RIT1: variants seen among roughly 807,000 people sequenced by gnomAD.
The protein encoded by RIT1 is Ras like without CAAX 1.
A neutral mutation model predicts 25.6 loss-of-function variants in RIT1; 6 were observed. That is an observed-to-expected ratio of 0.23 (90% CI 0.13 to 0.46). The LOEUF is 0.46. Among genes scored for constraint, RIT1 ranks in the 20% least tolerant of loss-of-function variants. RIT1 has a pLI of 0.99. For missense variants in RIT1, 219 were observed against 284.4 expected, an observed-to-expected ratio of 0.77 and a Z score of 1.65; for synonymous variants, 81 against 94.1, an observed-to-expected ratio of 0.86 and a Z score of 0.80.
chr1:155,909,777 C>T (rs1402009911), intron 3 of RIT1, among the ~76,000 whole-genome samples: 1 of 151,928 alleles, frequency 6.6e-6, no homozygotes, highest in Non-Finnish European at 1.5e-5. Flanking sequence ...CAAAAATTAG[C>T]CGGGTGTGGT....
At chr1:155,903,352 C>CT (rs1673354645) in intron 5 of RIT1, among the ~76,000 whole-genome samples, 1 of 147,314 alleles carries the variant, frequency 6.8e-6, no homozygotes, top group South Asian at 2.1e-4. Context: ...ACTCAGGAGG[C>CT]TAAGGCAGGA....
At chr1:155,909,984 G>A (rs932742977) in intron 3 of RIT1, 1 of 157,368 alleles carries the variant, frequency 6.4e-6, no homozygotes, top group East Asian at 1.9e-4. Flanking sequence ...TGAACTTAAG[G>A]TATAAGGAAG....
chr1:155,908,197 T>G (rs1020853719), intron 3 of RIT1, among the ~76,000 whole-genome samples: 4 of 151,766 alleles, frequency 2.6e-5, no homozygotes, highest in African/African-American at 7.2e-5. Context: ...GGCTCACGCC[T>G]GTAATCCCAG....
rs187540685 is a variant in RIT1 at position 155,902,650 on chromosome 1, C to T, written c.429+1661G>A. Among the ~76,000 whole-genome samples the T allele has an allele frequency of 1.0e-3, 154 of 149,334 alleles. 1 individual carries two copies. The highest frequency in any genetic ancestry group is 1.8e-3 in the Admixed American group (27 of 14,884). On this transcript the variant is annotated intron_variant, in intron 5 of 5. Coordinates refer to ENST00000368323, the MANE Select transcript of RIT1 (RefSeq NM_006912.6). Reference sequence around the variant, plus strand: ...TGATGTCAGGACTTCAAGACCAGCCCGGCCAACATGGTGAAACCCCGTCTC... The same window carrying T: ...TGATGTCAGGACTTCAAGACCAGCCTGGCCAACATGGTGAAACCCCGTCTC...
Position 155,898,541 on chromosome 1 carries a change from A to ATATATATATCTATATATATATATATC in RIT1, c.*1846_*1847insGATATATATATATATAGATATATATA, listed in dbSNP as rs543706593. 1 of 117,340 alleles carries ATATATATATCTATATATATATATATC rather than the reference A, an allele frequency of 8.5e-6. No homozygotes were observed. The highest frequency in any genetic ancestry group is 3.2e-5 in the African/African-American group (1 of 31,482). The allele number at this position is 117,340 out of a possible 1,614,324, so 7.3% of individuals were successfully genotyped here. A position where few individuals can be genotyped will look rare whatever the true frequency, so the allele number is the denominator to read the frequency against. On this transcript the variant is annotated 3_prime_UTR_variant, in exon 6 of 6. Transcript: ENST00000368323. The stretch of plus-strand genomic sequence containing the variant: ...AAAATATATATATATATATATATAT[A>ATATATATATCTATATATATATATATC]TATCTCTTAATGTTAATAACAATTC...
chr1:155,899,591 T>C lies in RIT1; in HGVS notation c.*797A>G. The C allele has an allele frequency of 4.4e-6, 1 of 225,382 alleles. No individual in the cohort carries two copies. The highest frequency in any genetic ancestry group is 1.4e-3 in the Middle Eastern group (1 of 732). 14.0% of individuals were successfully genotyped at this position (225,382 alleles called of 1,614,324 possible). On this transcript the variant is annotated 3_prime_UTR_variant, in exon 6 of 6. Transcript: ENST00000368323. Reference sequence around the variant, plus strand: ...TGGCTGATCCAACTATGAATTTTGATTAAACACGTTTAGTAATACAGTTAT... The same window carrying C: ...TGGCTGATCCAACTATGAATTTTGACTAAACACGTTTAGTAATACAGTTAT...
Position 155,900,433 on chromosome 1 carries a change from C to T in RIT1, c.615G>A (p.Lys205=), listed in dbSNP as rs1353727875. 1 of 1,614,074 alleles carries T rather than the reference C, an allele frequency of 6.2e-7. No homozygotes were observed. The highest frequency in any genetic ancestry group is 8.5e-7 in the Non-Finnish European group (1 of 1,180,032). Residue 205 remains lysine (K), a synonymous_variant, in exon 6 of 6, where the codon AAG becomes AAA. Transcript: ENST00000368323. The stretch of plus-strand genomic sequence containing the variant: ...TCTTCCGGAATGGTGATTTTAGCCT[C>T]TTCCATACACTGTTTTTGGGCTTAG... ...KKSKPKNSVW[K]RLKSPFRKKK...
At position 155,910,217 on chromosome 1, in the gene RIT1, G is replaced by C. The variant is rs867548; in HGVS notation, c.163+233C>G. On this transcript the variant is annotated intron_variant, in intron 3 of 5. Transcript: ENST00000368323. ...CAACCATAAAAAAATACAACAAAGA[G>C]AGTTGTCCCATTAATGTTCAGTAAG... 0.29 allele frequency: 154,072 copies of C among 523,966 alleles called. 27,141 individuals are homozygous for C. The highest frequency in any genetic ancestry group is 0.77 in the East Asian group (23,266 of 30,346). 32.5% of individuals were successfully genotyped at this position (523,966 alleles called of 1,614,324 possible).
Position 155,899,797 on chromosome 1 carries a change from C to T in RIT1, c.*591G>A. The T allele has an allele frequency of 4.6e-6, 1 of 219,268 alleles. No individual in the cohort carries two copies. 13.6% of individuals were successfully genotyped at this position (219,268 alleles called of 1,614,324 possible). ...AAAAGCGAAGCTTGTACTGAGAATA[C>T]TGTTCTGAACCTACCTTTTTAAGTC... On this transcript the variant is annotated 3_prime_UTR_variant, in exon 6 of 6. Coordinates refer to ENST00000368323, the MANE Select transcript of RIT1 (RefSeq NM_006912.6).
At position 155,899,530 on chromosome 1, in the gene RIT1, G is replaced by T; in HGVS notation, c.*858C>A. 1 of 224,272 alleles carries T rather than the reference G, an allele frequency of 4.5e-6. No homozygotes were observed. The highest frequency in any genetic ancestry group is 8.9e-6 in the Non-Finnish European group (1 of 112,262). 13.9% of individuals were successfully genotyped at this position (224,272 alleles called of 1,614,324 possible). On this transcript the variant is annotated 3_prime_UTR_variant, in exon 6 of 6. Transcript: ENST00000368323. Reference sequence around the variant, plus strand: ...AATGAATATAAATGTGTTGGTGTGTGCGTCTGTGGGGAAAAAATAAACCTG... The same window carrying T: ...AATGAATATAAATGTGTTGGTGTGTTCGTCTGTGGGGAAAAAATAAACCTG...
intron 3 of RIT1, 48 bp from the exon 4 acceptor site, chr1:155,904,852 A>G (rs751266005): frequency 5.5e-6 from 7 of 1,263,364 alleles, no homozygotes; most frequent in Non-Finnish European, 8.1e-6. Flanking sequence ...ATGCCGGAAG[A>G]AATGCCTATT....
At chr1:155,906,869 G>T (rs1478307465) in intron 3 of RIT1, among the ~76,000 whole-genome samples, 4 of 152,118 alleles carry the variant, frequency 2.6e-5, no homozygotes, top group Non-Finnish European at 4.4e-5. Context: ...GCTTTGGGAG[G>T]TCCAGGTGGG....
At position 155,910,850 on chromosome 1, in the gene RIT1, G is replaced by A. The variant is rs756731122; in HGVS notation, c.-43-46C>T. ...GCTTAATCCAGGATGGAGACACCACGGCGACAGCCCTCAAGCCAGTGCCTT... is the reference window on the plus strand; with the variant it reads ...GCTTAATCCAGGATGGAGACACCACAGCGACAGCCCTCAAGCCAGTGCCTT... On this transcript the variant is annotated intron_variant, in intron 1 of 5. Coordinates refer to ENST00000368323, the MANE Select transcript of RIT1 (RefSeq NM_006912.6). 5.0e-6 allele frequency: 8 copies of A among 1,604,566 alleles called. 1 individual carries two copies. Among genetic ancestry groups the A allele is most frequent in the South Asian group, 3.3e-5 (3 of 90,424 alleles).
At position 155,904,494 on chromosome 1, in the gene RIT1, A is replaced by T. The variant is rs730881014; in HGVS notation, c.246T>A (p.Phe82Leu). Residue 82 changes from phenylalanine (F) to leucine (L), a missense_variant, in exon 5 of 6, where the codon TTT (phenylalanine) becomes TTA (leucine). Phe to Leu is a conservative substitution (Grantham distance 22). Transcript: ENST00000368323. ...TCATATACTGGTCCCGCATGGCTGT[A>T]AACTCTGCCTAGAGGGAAACAAGGG... is the stretch of plus-strand genomic sequence containing the variant. ...DILDTAGQAE[F>L]TAMRDQYMRA... The T allele has an allele frequency of 6.2e-7, 1 of 1,612,548 alleles. No individual in the cohort carries two copies. The highest frequency in any genetic ancestry group is 8.5e-7 in the Non-Finnish European group (1 of 1,178,646).
rs187356197 is a variant in RIT1, at chr1:155,902,262, A to G, written c.430-1644T>C. 2.6e-4 allele frequency among the ~76,000 whole-genome samples: 39 copies of G among 152,084 alleles called. 1 individual carries two copies. The East Asian group carries it at 5.8e-3, about 23-fold the overall frequency. On this transcript the variant is annotated intron_variant, in intron 5 of 5. Coordinates refer to ENST00000368323, the MANE Select transcript of RIT1 (RefSeq NM_006912.6). ...CTGGATGCATATTCCTAACTACTGT[A>G]TTTGTTACCAAAAGTGGTTCTACAA...
intron 3 of RIT1, among the ~76,000 whole-genome samples, chr1:155,905,618 A>G (rs924312574): frequency 6.6e-6 from 1 of 152,182 alleles, no homozygotes; most frequent in East Asian, 1.9e-4. Context: ...TAATTCTTCA[A>G]TAATCACAAT....
chr1:155,898,645 T>C lies in RIT1; in HGVS notation c.*1743A>G, dbSNP rs561927068. The C allele has an allele frequency of 4.9e-5, 9 of 182,854 alleles. No homozygotes were observed. Among genetic ancestry groups the C allele is most frequent in the Non-Finnish European group, 1.0e-4 (9 of 86,294 alleles). 11.3% of individuals were successfully genotyped at this position (182,854 alleles called of 1,614,324 possible). On this transcript the variant is annotated 3_prime_UTR_variant, in exon 6 of 6. Coordinates refer to ENST00000368323, the MANE Select transcript of RIT1 (RefSeq NM_006912.6). ...CCAGTTTAAATGTAAAACATTCTCA[T>C]AATAGAATTGCACTGTATTTCTTTT...
chr1:155,903,236 C>CAGT (rs908977925), intron 5 of RIT1, among the ~76,000 whole-genome samples: 1 of 151,782 alleles, frequency 6.6e-6, no homozygotes, highest in Non-Finnish European at 1.5e-5. Flanking sequence ...GCAGAGCTTG[C>CAGT]AGTGAGCAGA....
rs1673275844 is a variant in RIT1 at position 155,899,880 on chromosome 1, T to C, written c.*508A>G. The stretch of plus-strand genomic sequence containing the variant: ...TCACCACTCCATAGTCTGCAACAGG[T>C]GTCAGCCTCACAGGTATCTGCTGAA... On this transcript the variant is annotated 3_prime_UTR_variant, in exon 6 of 6. Coordinates refer to ENST00000368323, the MANE Select transcript of RIT1 (RefSeq NM_006912.6). 1 of 218,368 alleles carries C rather than the reference T, an allele frequency of 4.6e-6. No homozygotes were observed. The highest frequency in any genetic ancestry group is 9.2e-6 in the Non-Finnish European group (1 of 108,264). The allele number at this position is 218,368 out of a possible 1,614,324, so 13.5% of individuals were successfully genotyped here.
Sources: allele counts gnomAD v4.1 joint callset (sites outside exome capture counted in the v4.1 genomes callset), GRCh38; gene constraint gnomAD v4.1.1; transcripts MANE v1.5; gene names NCBI Gene and HGNC (gene_info 2026-07-23, HGNC 2026-07-21).